AGBL4: variants seen among roughly 807,000 people sequenced by gnomAD.
The protein encoded by AGBL4 is cytosolic carboxypeptidase 6.
A neutral mutation model predicts 66.4 loss-of-function variants in AGBL4; 58 were observed. That is an observed-to-expected ratio of 0.87 (90% CI 0.71 to 1.09). The LOEUF (loss-of-function observed/expected upper bound fraction) is 1.09, where lower values mean the gene tolerates loss of function less well. Ranked by LOEUF, AGBL4 falls within the 50% of genes least tolerant of loss-of-function variation. AGBL4 has a pLI of 0.00. For synonymous variants in AGBL4, 234 were observed against 222.9 expected (o/e 1.05, Z -0.44); for missense variants, 579 against 631.0 (o/e 0.92, Z 0.88).
chr1:49,884,110 A>T (rs922598580), intron 1 of AGBL4, among the ~76,000 whole-genome samples: 9 of 151,806 alleles, frequency 5.9e-5, no homozygotes, highest in Non-Finnish European at 1.2e-4. Context: ...TCAGATTCAA[A>T]CTCTTTACTC....
chr1:49,510,223 T>C (rs1437474550), intron 3 of AGBL4, among the ~76,000 whole-genome samples: 1 of 151,972 alleles, frequency 6.6e-6, no homozygotes, highest in Non-Finnish European at 1.5e-5. Context: ...TTCCTATTTC[T>C]CCACATCCTC....
At chr1:49,804,148 A>C (rs1319959856) in intron 2 of AGBL4, among the ~76,000 whole-genome samples, 4 of 152,190 alleles carry the variant, frequency 2.6e-5, no homozygotes, top group Non-Finnish European at 5.9e-5. Context: ...TTTATATTAA[A>C]GTATAACTTT....
intron 4 of AGBL4, among the ~76,000 whole-genome samples, chr1:49,139,179 G>A (rs1452293350): frequency 6.6e-6 from 1 of 152,116 alleles, no homozygotes; most frequent in Admixed American, 6.6e-5. Context: ...CTCAACATGA[G>A]ATTTGGGTGG....
chr1:48,905,264 C>T (rs544196386), intron 5 of AGBL4, among the ~76,000 whole-genome samples: 15 of 152,226 alleles, frequency 9.9e-5, no homozygotes, highest in Non-Finnish European at 5.9e-5. Flanking sequence ...GCACAGTTTC[C>T]AAGAAGTTTA....
chr1:49,598,679 T>G (rs1237276730), intron 3 of AGBL4, among the ~76,000 whole-genome samples: 2 of 152,088 alleles, frequency 1.3e-5, no homozygotes, highest in Non-Finnish European at 2.9e-5. Context: ...AGGGACCCAC[T>G]TGAGGAGGCA....
At chr1:49,357,738 C>T (rs1433440662) in intron 3 of AGBL4, among the ~76,000 whole-genome samples, 2 of 152,152 alleles carry the variant, frequency 1.3e-5, no homozygotes, top group South Asian at 2.1e-4. Flanking sequence ...CGTCTGTAAA[C>T]AGGAAATAAC....
chr1:49,017,529 T>C (rs1284325608), intron 5 of AGBL4, among the ~76,000 whole-genome samples: 1 of 152,166 alleles, frequency 6.6e-6, no homozygotes, highest in Non-Finnish European at 1.5e-5. Flanking sequence ...TTTGAGCCCC[T>C]GAATACATGC....
rs551868228 is a variant in AGBL4 at position 49,329,559 on chromosome 1, A to G, written c.283-83695T>C. The stretch of plus-strand genomic sequence containing the variant: ...TACACACCTGTGGTCCCAGCTACTC[A>G]GGAGGCTGAGGCATGAGAATTGCTT... On this transcript the variant is annotated intron_variant, in intron 3 of 13. Transcript: ENST00000371839. Among the ~76,000 whole-genome samples the G allele has an allele frequency of 3.3e-5, 5 of 152,018 alleles. No homozygotes were observed. The South Asian group carries it at 1.0e-3, about 32-fold the overall frequency.
At chr1:48,753,197 T>C (rs1454924315) in intron 6 of AGBL4, among the ~76,000 whole-genome samples, 3 of 152,272 alleles carry the variant, frequency 2.0e-5, no homozygotes, top group African/African-American at 7.2e-5. Flanking sequence ...TCAGTATTTC[T>C]GACCTCAGAG....
At chr1:48,761,141 T>G (rs1257992897) in intron 6 of AGBL4, 18 of 577,908 alleles carry the variant, frequency 3.1e-5, no homozygotes, top group Non-Finnish European at 5.1e-5. Flanking sequence ...ACAGCATGAA[T>G]CAGGGCTCTC....
intron 3 of AGBL4, among the ~76,000 whole-genome samples, chr1:49,681,709 A>G (rs1646696549): frequency 6.6e-6 from 1 of 152,210 alleles, no homozygotes; most frequent in South Asian, 2.1e-4. Context: ...CTGATTTCAC[A>G]GCAGAAAGTC....
At chr1:49,481,028 T>C (rs1052131886) in intron 3 of AGBL4, among the ~76,000 whole-genome samples, 1 of 152,080 alleles carries the variant, frequency 6.6e-6, no homozygotes, top group Non-Finnish European at 1.5e-5. Flanking sequence ...CATGCTGTCT[T>C]GGTTACTGAA....
intron 3 of AGBL4, among the ~76,000 whole-genome samples, chr1:49,603,720 C>CTCCCCCA (rs1428799414): frequency 6.6e-6 from 1 of 151,988 alleles, no homozygotes; most frequent in Admixed American, 6.6e-5. Flanking sequence ...ACTCCCCTCC[C>CTCCCCCA]TCCCCCATTC....
At chr1:49,819,057 T>A (rs1418928434) in intron 2 of AGBL4, among the ~76,000 whole-genome samples, 1 of 152,156 alleles carries the variant, frequency 6.6e-6, no homozygotes, top group Admixed American at 6.5e-5. Context: ...TAGTGCCTAT[T>A]TCATGGGATT....
At chr1:49,549,260 T>C (rs1652758370) in intron 3 of AGBL4, among the ~76,000 whole-genome samples, 1 of 152,012 alleles carries the variant, frequency 6.6e-6, no homozygotes, top group South Asian at 2.1e-4. Context: ...TTTGTATCTT[T>C]TTTTTTTTCA....
chr1:49,248,794 A>G (rs1174978355), intron 3 of AGBL4, among the ~76,000 whole-genome samples: 2 of 152,290 alleles, frequency 1.3e-5, no homozygotes, highest in Middle Eastern at 3.4e-3. Flanking sequence ...TCTTCTCATC[A>G]ATAAAGCCAG....
intron 4 of AGBL4, among the ~76,000 whole-genome samples, chr1:49,095,618 G>C (rs890863869): frequency 6.6e-6 from 1 of 151,926 alleles, no homozygotes; most frequent in African/African-American, 2.4e-5. Flanking sequence ...AATGGTGCTG[G>C]GAAAACTGGC....
At position 49,948,678 on chromosome 1, in the gene AGBL4, A is replaced by G. The variant is rs567941254; in HGVS notation, c.34+75085T>C. Among the ~76,000 whole-genome samples, 46 of 149,972 alleles carry G rather than the reference A, an allele frequency of 3.1e-4. 2 individuals carry two copies. In the South Asian group the frequency reaches 8.7e-3, roughly 28 times the overall value. On this transcript the variant is annotated intron_variant, in intron 1 of 13. Coordinates refer to ENST00000371839, the MANE Select transcript of AGBL4 (RefSeq NM_032785.4). ...AGGAAAACTACAAAACACTGCTGAA[A>G]GAAATCATAGATGACACAAACAAAT...
chr1:49,087,023 A>T (rs1218996820), intron 4 of AGBL4, among the ~76,000 whole-genome samples: 1 of 150,560 alleles, frequency 6.6e-6, no homozygotes, highest in Non-Finnish European at 1.5e-5. Context: ...CAAGGGCATA[A>T]GAGAAGGTAA....
Sources: gnomAD v4.1 joint callset for allele counts (sites outside exome capture counted in the v4.1 genomes callset) on GRCh38, gnomAD v4.1.1 for gene constraint, MANE v1.5 for transcripts, NCBI Gene and HGNC (gene_info 2026-07-23, HGNC 2026-07-21) for gene names.